MANBA: variants seen among roughly 807,000 people sequenced by gnomAD.
MANBA encodes the protein mannosidase beta, also known as beta-mannosidase.
Under a neutral mutation model 111.1 loss-of-function variants are expected in MANBA, and 83 were observed. That is an observed-to-expected ratio of 0.75 (90% CI 0.63 to 0.90). The LOEUF (loss-of-function observed/expected upper bound fraction) is 0.90, where lower values mean the gene tolerates loss of function less well. Ranked by LOEUF, MANBA falls within the 40% of genes least tolerant of loss-of-function variation. The pLI, the probability that MANBA is intolerant of heterozygous loss-of-function variation, is 0.00. For synonymous variants in MANBA, 370 were observed against 378.7 expected (o/e 0.98, Z 0.27); for missense variants, 1,036 against 1,069.0 (o/e 0.97, Z 0.43).
chr4:102,694,064 G>A (rs1000815745), intron 5 of MANBA, among the ~76,000 whole-genome samples: 2 of 152,136 alleles, frequency 1.3e-5, no homozygotes, highest in African/African-American at 4.8e-5. Context: ...GACAGCCTCT[G>A]ACAGGAAAAC....
In MANBA at chr4:102,730,588, T is replaced by G. The variant is rs1030312882; in HGVS notation, c.178-3905A>C. 1.4e-4 allele frequency: 77 copies of G among 540,626 alleles called. 1 individual carries two copies. Among genetic ancestry groups the G allele is most frequent in the Middle Eastern group, 6.3e-4 (2 of 3,186 alleles). The allele number at this position is 540,626 out of a possible 1,614,324, so 33.5% of individuals were successfully genotyped here. The stretch of plus-strand genomic sequence containing the variant: ...TAGTGCGTCATTGATGTCTAGCTGC[T>G]CACTCCCAAAGCCTGACAAGTTGAT... On this transcript the variant is annotated intron_variant, in intron 1 of 16. Coordinates refer to ENST00000647097, the MANE Select transcript of MANBA (RefSeq NM_005908.4).
chr4:102,650,614 G>A lies in MANBA; in HGVS notation c.1792C>T (p.Gln598Ter), dbSNP rs1182169207. The A allele has an allele frequency of 1.2e-6, 2 of 1,613,204 alleles. No homozygotes were observed. The highest frequency in any genetic ancestry group is 2.7e-5 in the African/African-American group (2 of 74,906). Residue 598 changes from glutamine (Q) to a stop codon, truncating the protein, a stop_gained, in exon 13 of 17, where the codon CAG (glutamine) becomes TAG (stop). Transcript: ENST00000647097. LOFTEE classifies it high-confidence loss of function. Reference protein sequence around the residue: ...HEGGNKQMLYQAGLHFKLPQS... With the variant: ...HEGGNKQMLY ...GGGAGTTTGAAATGAAGTCCAGCCTGATAAAGCATTTGTTTGTTACCACCT... is the reference window on the plus strand; with the variant it reads ...GGGAGTTTGAAATGAAGTCCAGCCTAATAAAGCATTTGTTTGTTACCACCT...
chr4:102,751,674 C>T (rs1723805810), intron 1 of MANBA: 1 of 542,634 alleles, frequency 1.8e-6, no homozygotes, highest in Non-Finnish European at 3.8e-6. Context: ...CACAGCACCC[C>T]AGCCAGAGCA....
intron 5 of MANBA, among the ~76,000 whole-genome samples, chr4:102,713,708 C>A (rs1722182700): frequency 6.6e-6 from 1 of 152,062 alleles, no homozygotes. Flanking sequence ...TCGAGACTGG[C>A]CAATATGGAG....
intron 4 of MANBA, among the ~76,000 whole-genome samples, chr4:102,720,155 G>A (rs1334814950): frequency 1.3e-5 from 2 of 152,230 alleles, no homozygotes; most frequent in East Asian, 1.9e-4. Flanking sequence ...GGAAGGGGAA[G>A]CCAGCACAGT....
intron 1 of MANBA, among the ~76,000 whole-genome samples, chr4:102,731,472 C>A (rs1031729828): frequency 6.6e-6 from 1 of 152,214 alleles, no homozygotes; most frequent in Admixed American, 6.5e-5. Context: ...AGAGAATACA[C>A]AGGCAGCAGA....
chr4:102,697,728 G>C (rs1371311074), intron 5 of MANBA, among the ~76,000 whole-genome samples: 1 of 150,138 alleles, frequency 6.7e-6, no homozygotes, highest in Non-Finnish European at 1.5e-5. Flanking sequence ...TGGTGTATAT[G>C]TGCCACATTT....
intron 1 of MANBA, chr4:102,734,481 A>T: frequency 6.2e-7 from 1 of 1,604,728 alleles, no homozygotes; most frequent in Non-Finnish European, 8.5e-7. Flanking sequence ...GGCCATCATC[A>T]TACCCATTCC....
At chr4:102,709,279 AAAGAAAGG>A (rs1444986194) in intron 5 of MANBA, among the ~76,000 whole-genome samples, 35 of 55,500 alleles carry the variant, frequency 6.3e-4, no homozygotes, top group African/African-American at 1.9e-3. Context: ...GAAAGAAAAG[AAAGAAAGG>A]AAGGAAGGAA....
intron 7 of MANBA, among the ~76,000 whole-genome samples, chr4:102,681,259 T>A (rs925814767): frequency 2.0e-5 from 3 of 152,098 alleles, no homozygotes; most frequent in African/African-American, 7.2e-5. Flanking sequence ...GGTAGGAGGA[T>A]CACTGGGGCC....
intron 12 of MANBA, among the ~76,000 whole-genome samples, chr4:102,656,246 C>T (rs1433485931): frequency 6.6e-6 from 1 of 151,952 alleles, no homozygotes; most frequent in Non-Finnish European, 1.5e-5. Context: ...AAAGCAAGAC[C>T]CTGTCTCTAT....
intron 1 of MANBA, among the ~76,000 whole-genome samples, chr4:102,749,141 T>C (rs969746038): frequency 2.0e-5 from 3 of 152,018 alleles, no homozygotes; most frequent in Non-Finnish European, 2.9e-5. Flanking sequence ...GATTCTAGGC[T>C]TAGTTTCCTG....
At chr4:102,697,757 T>C (rs1732796929) in intron 5 of MANBA, among the ~76,000 whole-genome samples, 1 of 151,528 alleles carries the variant, frequency 6.6e-6, no homozygotes, top group Non-Finnish European at 1.5e-5. Context: ...CAGTCTATCA[T>C]TGTTGGACAT....
Position 102,631,557 on chromosome 4 carries a change from A to T in MANBA, c.*500T>A. ...TTCACATGTACAGAAAAATACCCAT[A>T]TACCTTTACCCAAATAGCTACCACC... On this transcript the variant is annotated 3_prime_UTR_variant, in exon 17 of 17. Transcript: ENST00000647097. 2.5e-6 allele frequency: 1 copy of T among 405,698 alleles called. No individual in the cohort carries two copies. Among genetic ancestry groups the T allele is most frequent in the Non-Finnish European group, 4.3e-6 (1 of 230,686 alleles). The allele number at this position is 405,698 out of a possible 1,614,324, so 25.1% of individuals were successfully genotyped here. A position where few individuals can be genotyped will look rare whatever the true frequency, so the allele number is the denominator to read the frequency against.
At position 102,689,605 on chromosome 4, in the gene MANBA, T is replaced by A. The variant is rs754870130; in HGVS notation, c.929A>T (p.Asp310Val). ...GYNMTVLFEL[D>V]GGLNIEKSAK... ...TGATTTTTCAATATTTAAGCCTCCA[T>A]CCAGTTCAAAAAGAACAGTCATGTT... Residue 310 changes from aspartate to valine, a missense_variant, in exon 7 of 17, where the codon GAT becomes GTT. Transcript: ENST00000647097. The A allele has an allele frequency of 4.4e-6, 7 of 1,607,734 alleles. No homozygotes were observed. The highest frequency in any genetic ancestry group is 1.1e-5 in the South Asian group (1 of 90,506).
chr4:102,664,827 G>A lies in MANBA; in HGVS notation c.1343C>T (p.Ser448Phe), dbSNP rs750079767. ...ATTATTGCCACTCCATATGATGATA[G>A]AAGGATGAGATTTCAGTCTCTTGAT... ...YQIKRLKSHP[S>F]IIIWSGNNEN... The change falls in exon 11 of 17, where the codon TCT becomes TTT. Residue 448 changes from serine (S) to phenylalanine (F), a missense_variant. Physicochemically the swap from Ser to Phe is radical, Grantham distance 155. Transcript: ENST00000647097. 1.3e-5 allele frequency: 21 copies of A among 1,606,978 alleles called. No homozygotes were observed. The highest frequency in any genetic ancestry group is 2.7e-5 in the African/African-American group (2 of 74,768).
At chr4:102,683,316 T>A (rs1732065537) in intron 7 of MANBA, among the ~76,000 whole-genome samples, 1 of 152,238 alleles carries the variant, frequency 6.6e-6, no homozygotes, top group Non-Finnish European at 1.5e-5. Context: ...TTATTACATC[T>A]ATTTTCCTAC....
chr4:102,731,823 TG>T (rs1321016516), intron 1 of MANBA, among the ~76,000 whole-genome samples: 2 of 152,028 alleles, frequency 1.3e-5, no homozygotes, highest in Non-Finnish European at 2.9e-5. Flanking sequence ...TGTTCATAGA[TG>T]TTGCTCCATC....
intron 5 of MANBA, among the ~76,000 whole-genome samples, chr4:102,711,401 A>C (rs1722057770): frequency 1.3e-5 from 2 of 152,214 alleles, no homozygotes; most frequent in Admixed American, 1.3e-4. Context: ...CTGTAAATCA[A>C]AACCACAAAT....
Sources: gnomAD v4.1 joint callset for allele counts (sites outside exome capture counted in the v4.1 genomes callset) on GRCh38, gnomAD v4.1.1 for gene constraint, MANE v1.5 for transcripts, NCBI Gene and HGNC (gene_info 2026-07-23, HGNC 2026-07-21) for gene names.